ZFHX3: variants seen among roughly 807,000 people sequenced by gnomAD.
ZFHX3 encodes zinc finger homeobox protein 3.
ZFHX3 carries 42 observed loss-of-function variants against 279.1 expected under a neutral mutation model. The observed-to-expected ratio is 0.15, with a 90% CI of 0.12 to 0.19. The LOEUF (loss-of-function observed/expected upper bound fraction) is 0.19. Among genes scored for constraint, ZFHX3 ranks in the 10% least tolerant of loss-of-function variants. The pLI is 1.00. For missense variants in ZFHX3, 4,981 were observed against 4,754.0 expected, an observed-to-expected ratio of 1.05 and a Z score of -1.40; for synonymous variants, 2,293 against 1,957.8, an observed-to-expected ratio of 1.17 and a Z score of -4.52.
chr16:73,349,921 T>C (rs2016207050), intron 3 of ZFHX3, among the ~76,000 whole-genome samples: 1 of 149,050 alleles, frequency 6.7e-6, no homozygotes, highest in Admixed American at 6.7e-5. Flanking sequence ...CCCTCCTTTT[T>C]CCTTTCCTCT....
rs537501638 is a variant in ZFHX3 at position 73,810,401 on chromosome 16, C to A, written c.-1608+81250G>T. 1.8e-4 allele frequency among the ~76,000 whole-genome samples: 28 copies of A among 152,234 alleles called. No individual in the cohort carries two copies. The East Asian group carries it at 4.4e-3, about 24-fold the overall frequency. ...ATAAAGGTTCTTTAAAAAGATAAGT[C>A]TTTAATTATTTGGTTATTAACCTAG... On this transcript the variant is annotated intron_variant, in intron 1 of 17. Coordinates refer to the ZFHX3 transcript ENST00000641206.
At chr16:73,315,443 T>A (rs2015424004) in intron 4 of ZFHX3, among the ~76,000 whole-genome samples, 1 of 152,290 alleles carries the variant, frequency 6.6e-6, no homozygotes, top group South Asian at 2.1e-4. Context: ...CTTGATATTC[T>A]CAGTTTAATT....
At chr16:72,949,280 C>T (rs1190204207) in intron 3 of ZFHX3, among the ~76,000 whole-genome samples, 2 of 152,096 alleles carry the variant, frequency 1.3e-5, no homozygotes, top group Non-Finnish European at 1.5e-5. Flanking sequence ...ACCAAACACT[C>T]GTGGGCCCAA....
At chr16:73,792,860 C>CCCA (rs1555501997) in intron 1 of ZFHX3, among the ~76,000 whole-genome samples, 1 of 144,422 alleles carries the variant, frequency 6.9e-6, no homozygotes, top group East Asian at 2.1e-4. Context: ...CAGTGCACCC[C>CCCA]CCCCCTCCCC....
At chr16:73,244,224 A>G (rs1272948799) in intron 5 of ZFHX3, among the ~76,000 whole-genome samples, 1 of 152,146 alleles carries the variant, frequency 6.6e-6, no homozygotes, top group African/African-American at 2.4e-5. Context: ...AGGATTCTAG[A>G]AGAGTATTCA....
At chr16:73,643,810 T>C (rs1409191724) in intron 2 of ZFHX3, among the ~76,000 whole-genome samples, 2 of 152,192 alleles carry the variant, frequency 1.3e-5, no homozygotes, top group Admixed American at 1.3e-4. Flanking sequence ...TGAGCTTAAA[T>C]TCTCCCAAAA....
At chr16:73,172,430 A>G in intron 5 of ZFHX3, among the ~76,000 whole-genome samples, 1 of 152,170 alleles carries the variant, frequency 6.6e-6, no homozygotes, top group Admixed American at 6.5e-5. Flanking sequence ...AAATAGCCCC[A>G]GCCGAGCTGT....
At chr16:73,772,138 C>T (rs767848290) in intron 1 of ZFHX3, among the ~76,000 whole-genome samples, 108 of 152,298 alleles carry the variant, frequency 7.1e-4, no homozygotes, top group South Asian at 1.5e-3. Flanking sequence ...TCCACCCCCT[C>T]GCCACAGACC....
chr16:73,536,603 C>G (rs922110988), intron 2 of ZFHX3, among the ~76,000 whole-genome samples: 1 of 152,178 alleles, frequency 6.6e-6, no homozygotes, highest in Non-Finnish European at 1.5e-5. Context: ...TTTTCATACA[C>G]TTTCGATTAA....
intron 1 of ZFHX3, among the ~76,000 whole-genome samples, chr16:73,011,392 A>AC (rs1963913279): frequency 6.6e-6 from 1 of 151,708 alleles, no homozygotes; most frequent in Non-Finnish European, 1.5e-5. Flanking sequence ...TTGAACTCCC[A>AC]AAGCACTAGG....
chr16:72,854,647 A>C (rs1466939075), intron 4 of ZFHX3, among the ~76,000 whole-genome samples: 1 of 152,178 alleles, frequency 6.6e-6, no homozygotes, highest in East Asian at 1.9e-4. Flanking sequence ...TGCTTTTTTA[A>C]AAAATGTATT....
upstream of ZFHX3, among the ~76,000 whole-genome samples, chr16:73,052,354 G>A (rs1330560361): frequency 6.7e-6 from 1 of 150,054 alleles, no homozygotes; most frequent in African/African-American, 2.5e-5. Context: ...TTTTTTTAAT[G>A]AAGAATTCAT....
At chr16:73,396,805 C>G (rs1676608580) in intron 3 of ZFHX3, among the ~76,000 whole-genome samples, 1 of 152,198 alleles carries the variant, frequency 6.6e-6, no homozygotes, top group African/African-American at 2.4e-5. Context: ...GGTGGGGACA[C>G]AGGGCCAAAC....
In ZFHX3 at chr16:72,797,054, C is replaced by T; in HGVS notation, c.5628G>A (p.Lys1876=). The change falls in exon 9 of 10, where the codon AAG becomes AAA. Residue 1876 remains lysine (K), a synonymous_variant. Transcript: ENST00000268489. ...TTTCTTTGATGACCAATTTGTTCTTCTTTTCGGGGTGCTGGCTTGGCTGAA... is the reference window on the plus strand; with the variant it reads ...TTTCTTTGATGACCAATTTGTTCTTTTTTTCGGGGTGCTGGCTTGGCTGAA... The part of the protein sequence containing the change: ...ALLQPSQHPE[K]KNKLVIKEKE... 3 of 1,614,016 alleles carry T rather than the reference C, an allele frequency of 1.9e-6. No homozygotes were observed. The highest frequency in any genetic ancestry group is 2.7e-5 in the African/African-American group (2 of 74,990).
intron 1 of ZFHX3, among the ~76,000 whole-genome samples, chr16:73,881,244 T>C (rs1328437694): frequency 1.3e-5 from 2 of 152,146 alleles, no homozygotes; most frequent in Non-Finnish European, 2.9e-5. Flanking sequence ...TTTCACATAA[T>C]GGATGGGGCT....
intron 1 of ZFHX3, among the ~76,000 whole-genome samples, chr16:73,767,035 A>G (rs571424504): frequency 6.6e-6 from 1 of 151,432 alleles, no homozygotes; most frequent in South Asian, 2.1e-4. Context: ...TCCCGGATGC[A>G]AGCAATTCTC....
intron 1 of ZFHX3, among the ~76,000 whole-genome samples, chr16:73,034,650 A>G (rs1964835519): frequency 6.6e-6 from 1 of 152,196 alleles, no homozygotes; most frequent in Non-Finnish European, 1.5e-5. Flanking sequence ...AATATACATG[A>G]AGCAGTAAGT....
chr16:73,521,716 T>A (rs2019611616), intron 2 of ZFHX3, among the ~76,000 whole-genome samples: 1 of 151,934 alleles, frequency 6.6e-6, no homozygotes, highest in African/African-American at 2.4e-5. Flanking sequence ...AAATCTAAAA[T>A]AATTTTTTAT....
intron 1 of ZFHX3, among the ~76,000 whole-genome samples, chr16:73,729,558 A>C (rs55952641): frequency 0.75 from 113,246 of 150,602 alleles, 43,537 homozygotes; most frequent in East Asian, 0.85. Context: ...ACAAACCAAA[A>C]AAAAAAAAAA....
Sources: allele counts gnomAD v4.1 joint callset (sites outside exome capture counted in the v4.1 genomes callset), GRCh38; gene constraint gnomAD v4.1.1; transcripts MANE v1.5; gene names NCBI Gene and HGNC (gene_info 2026-07-23, HGNC 2026-07-21).